STOX2: variants seen among roughly 807,000 people sequenced by gnomAD.
The protein encoded by STOX2 is storkhead box 2.
Under a neutral mutation model 60.9 loss-of-function variants are expected in STOX2, and 28 were observed. The observed-to-expected ratio is 0.46, with a 90% CI of 0.34 to 0.63. STOX2 has a LOEUF of 0.63. Ranked by LOEUF, STOX2 falls within the 30% of genes least tolerant of loss-of-function variation. The pLI, the probability that STOX2 is intolerant of heterozygous loss-of-function variation, is 0.01. For missense variants in STOX2, 1,024 were observed against 1,187.7 expected, an observed-to-expected ratio of 0.86 and a Z score of 2.03; for synonymous variants, 472 against 463.9, an observed-to-expected ratio of 1.02 and a Z score of -0.22.
At chr4:183,922,068 A>G (rs924307074) in intron 1 of STOX2, among the ~76,000 whole-genome samples, 6 of 152,148 alleles carry the variant, frequency 3.9e-5, no homozygotes, top group Admixed American at 6.5e-5. Flanking sequence ...TCCTCTTTCT[A>G]ATGATATTCT....
chr4:183,829,288 C>G (rs950253362), intron 1 of STOX2, among the ~76,000 whole-genome samples: 5 of 152,196 alleles, frequency 3.3e-5, no homozygotes, highest in Non-Finnish European at 7.3e-5. Context: ...ACATTCATCT[C>G]TACATTCAAC....
rs545584318 is a variant in STOX2 at position 183,845,774 on chromosome 4, C to T, written c.364+47719C>T. Among the ~76,000 whole-genome samples the T allele has an allele frequency of 2.1e-3, 320 of 152,278 alleles. 1 individual carries two copies. The highest frequency in any genetic ancestry group is 3.4e-3 in the Non-Finnish European group (231 of 68,014). On this transcript the variant is annotated intron_variant, in intron 1 of 2. Coordinates refer to the STOX2 transcript ENST00000513034. ...AAGTTACATCTTTATACGATGTGTT[C>T]CCATTGACATAGATTTGTAACTTTT...
intron 1 of STOX2, among the ~76,000 whole-genome samples, chr4:183,883,624 A>G (rs981517361): frequency 6.6e-6 from 1 of 151,504 alleles, no homozygotes; most frequent in African/African-American, 2.4e-5. Flanking sequence ...CCGACCTGTT[A>G]TAAATATTAT....
chr4:184,008,122 A>G (rs933541661), intron 2 of STOX2, among the ~76,000 whole-genome samples: 10 of 152,204 alleles, frequency 6.6e-5, no homozygotes, highest in Admixed American at 5.2e-4. Context: ...AGATGGTTAA[A>G]TATGGGCAGT....
In STOX2 at chr4:183,906,963, T is replaced by C. The variant is rs372942091; in HGVS notation, c.166+7T>C. ...CGGGGCTACATGACATCAGGTTGGT[T>C]GGTGACCGCGTTTCTGCCCCCGGGC... On this transcript the variant is annotated splice_region_variant and intron_variant, in intron 1 of 3. Transcript: ENST00000308497. 4.6e-6 allele frequency: 7 copies of C among 1,521,446 alleles called. No homozygotes were observed. The South Asian group carries it at 7.4e-5, about 16-fold the overall frequency. 94.2% of individuals were successfully genotyped at this position (1,521,446 alleles called of 1,614,324 possible). A position where few individuals can be genotyped will look rare whatever the true frequency, so the allele number is the denominator to read the frequency against.
At position 183,821,797 on chromosome 4, in the gene STOX2, C is replaced by G. The variant is rs1297544807; in HGVS notation, c.364+23742C>G. On this transcript the variant is annotated intron_variant, in intron 1 of 2. Transcript: ENST00000513034. The surrounding 1 kb of genome is among the most constrained non-coding windows in gnomAD (Gnocchi z 4.2). ...TCCCTGCGGAGCACCCATCCCTGTC[C>G]CTGTTCCTGCCGGGCTGCATTCTGA... Among the ~76,000 whole-genome samples, 1 of 152,242 alleles carries G rather than the reference C, an allele frequency of 6.6e-6. No individual in the cohort carries two copies. The highest frequency in any genetic ancestry group is 1.5e-5 in the Non-Finnish European group (1 of 68,052).
chr4:183,863,260 A>G (rs1019121291), intron 1 of STOX2, among the ~76,000 whole-genome samples: 6 of 152,134 alleles, frequency 3.9e-5, no homozygotes, highest in Admixed American at 2.0e-4. Flanking sequence ...AAACCCATGA[A>G]CTGTGCCCCC....
intron 1 of STOX2, among the ~76,000 whole-genome samples, chr4:183,986,798 T>C (rs974077104): frequency 1.3e-5 from 2 of 152,040 alleles, no homozygotes; most frequent in African/African-American, 2.4e-5. Context: ...CTGAGCTCTG[T>C]TGGGGGAGGT....
intron 1 of STOX2, among the ~76,000 whole-genome samples, chr4:183,844,050 T>G (rs988536692): frequency 6.6e-6 from 1 of 152,350 alleles, no homozygotes; most frequent in East Asian, 1.9e-4. Context: ...ATTTCTAATC[T>G]TTTTAAAAGC....
chr4:183,971,319 G>T (rs1400748067), intron 1 of STOX2, among the ~76,000 whole-genome samples: 2 of 152,212 alleles, frequency 1.3e-5, no homozygotes, highest in African/African-American at 2.4e-5. Context: ...TATTGTGTGT[G>T]TGACGTGGAT....
intron 1 of STOX2, among the ~76,000 whole-genome samples, chr4:183,819,570 G>C (rs1739256278): frequency 7.6e-6 from 1 of 131,822 alleles, no homozygotes; most frequent in South Asian, 2.7e-4. Flanking sequence ...GGGAGAGGGA[G>C]AGGGGGAGGG....
intron 3 of STOX2, among the ~76,000 whole-genome samples, chr4:184,012,978 T>C (rs1032402777): frequency 6.6e-6 from 1 of 152,224 alleles, no homozygotes; most frequent in African/African-American, 2.4e-5. Context: ...TAATCCGTGG[T>C]AGAAGTTGAG....
rs546719053 is a variant in STOX2 at position 183,867,609 on chromosome 4, G to A, written c.364+69554G>A. Among the ~76,000 whole-genome samples, 43 of 152,366 alleles carry A rather than the reference G, an allele frequency of 2.8e-4. 1 individual carries two copies. The highest frequency in any genetic ancestry group is 9.9e-4 in the African/African-American group (41 of 41,588). The stretch of plus-strand genomic sequence containing the variant: ...CCGTGGGACATGAGGCCAGAGATCT[G>A]AGGTTATCCATCGTTTGTCATCCTG... On this transcript the variant is annotated intron_variant, in intron 1 of 2. Transcript: ENST00000513034.
chr4:183,941,694 G>C lies in STOX2; in HGVS notation c.166+34738G>C, dbSNP rs532003702. ...GTTATGTGCTTAAAGTACTTAACAC[G>C]TGCCTGGCACACAGTCATTAGCAAT... On this transcript the variant is annotated intron_variant, in intron 1 of 3. Coordinates refer to ENST00000308497, the MANE Select transcript of STOX2 (RefSeq NM_020225.3). Among the ~76,000 whole-genome samples the C allele has an allele frequency of 7.9e-4, 120 of 152,336 alleles. No homozygotes were observed. In the Middle Eastern group the frequency reaches 0.02, roughly 26 times the overall value.
At chr4:183,841,178 AGTATTTATTTAT>A (rs1158295047) in intron 1 of STOX2, among the ~76,000 whole-genome samples, 1 of 137,612 alleles carries the variant, frequency 7.3e-6, no homozygotes, top group East Asian at 2.5e-4. Flanking sequence ...TTTTCATCGT[AGTATTTATTTAT>A]TTATTTATTT....
rs1439596689 is a variant in STOX2, at chr4:183,986,546, C to G, written c.167-14779C>G. ...TTAATAACATTCAAAGCAAGCATCTCAATGGATCAGTAGATGAATATATAG... is the reference window on the plus strand; with the variant it reads ...TTAATAACATTCAAAGCAAGCATCTGAATGGATCAGTAGATGAATATATAG... On this transcript the variant is annotated intron_variant, in intron 1 of 3. Coordinates refer to ENST00000308497, the MANE Select transcript of STOX2 (RefSeq NM_020225.3). Among the ~76,000 whole-genome samples the G allele has an allele frequency of 2.0e-5, 3 of 152,246 alleles. No individual in the cohort carries two copies. The East Asian group carries it at 5.8e-4, about 29-fold the overall frequency.
chr4:183,927,620 C>T (rs1285808435), intron 1 of STOX2, among the ~76,000 whole-genome samples: 2 of 151,864 alleles, frequency 1.3e-5, no homozygotes, highest in African/African-American at 2.4e-5. Flanking sequence ...GCAGGCTAGA[C>T]GTGGTACTTT....
intron 1 of STOX2, among the ~76,000 whole-genome samples, chr4:183,952,186 G>A (rs1387794063): frequency 2.6e-5 from 4 of 152,142 alleles, no homozygotes; most frequent in Non-Finnish European, 5.9e-5. Context: ...TTTCAAAACA[G>A]GGAAACTGCT....
intron 1 of STOX2, among the ~76,000 whole-genome samples, chr4:183,981,127 G>A (rs1447155116): frequency 6.6e-6 from 1 of 152,214 alleles, no homozygotes; most frequent in East Asian, 1.9e-4. Context: ...TTGTCCCAAG[G>A]GATTGGGGCC....
Sources: allele counts gnomAD v4.1 joint callset (sites outside exome capture counted in the v4.1 genomes callset), GRCh38; gene constraint gnomAD v4.1.1; non-coding constraint Gnocchi (gnomAD v3.1); transcripts MANE v1.5; gene names NCBI Gene and HGNC (gene_info 2026-07-23, HGNC 2026-07-21).